TOX: variants seen among roughly 807,000 people sequenced by gnomAD.
The protein encoded by TOX is thymocyte selection associated high mobility group box.
TOX carries 11 observed loss-of-function variants against 53.7 expected under a neutral mutation model. The observed-to-expected ratio is 0.20, with a 90% CI of 0.13 to 0.34. The LOEUF (loss-of-function observed/expected upper bound fraction) is 0.34. Among genes scored for constraint, TOX ranks in the 10% least tolerant of loss-of-function variants. The pLI, the probability that TOX is intolerant of heterozygous loss-of-function variation, is 1.00. For synonymous variants in TOX, 225 were observed against 245.3 expected, an observed-to-expected ratio of 0.92 and a Z score of 0.77; for missense variants, 570 against 664.6, an observed-to-expected ratio of 0.86 and a Z score of 1.56.
chr8:58,928,463 T>C (rs1375850878), intron 3 of TOX, among the ~76,000 whole-genome samples: 2 of 152,198 alleles, frequency 1.3e-5, no homozygotes, highest in Non-Finnish European at 2.9e-5. Context: ...GACAATGGGA[T>C]CAGAGTCCCA....
At chr8:58,985,882 A>G (rs1813319535) in intron 1 of TOX, among the ~76,000 whole-genome samples, 1 of 152,166 alleles carries the variant, frequency 6.6e-6, no homozygotes, top group East Asian at 1.9e-4. Flanking sequence ...GGAAATTTGC[A>G]AGAAACCTCC....
chr8:58,948,476 C>A (rs1179707517), intron 2 of TOX, among the ~76,000 whole-genome samples: 1 of 151,964 alleles, frequency 6.6e-6, no homozygotes, highest in Non-Finnish European at 1.5e-5. Flanking sequence ...TAAATAAGGG[C>A]CTCTCCTTTG....
intron 1 of TOX, among the ~76,000 whole-genome samples, chr8:59,046,521 C>T (rs575150409): frequency 6.6e-6 from 1 of 152,038 alleles, no homozygotes; most frequent in African/African-American, 2.4e-5. Context: ...AAATAGGGAA[C>T]AATTGTGGCA....
chr8:58,999,139 G>A, intron 1 of TOX, among the ~76,000 whole-genome samples: 1 of 152,134 alleles, frequency 6.6e-6, no homozygotes, highest in East Asian at 1.9e-4. Context: ...CTTCTTCTTA[G>A]TAGCCAGACT....
intron 1 of TOX, among the ~76,000 whole-genome samples, chr8:59,011,140 C>T (rs1813896929): frequency 6.6e-6 from 1 of 152,190 alleles, no homozygotes; most frequent in African/African-American, 2.4e-5. Context: ...GACAATTACA[C>T]ATAATTTATC....
At chr8:59,055,060 G>C (rs1585990997) in intron 1 of TOX, among the ~76,000 whole-genome samples, 1 of 152,242 alleles carries the variant, frequency 6.6e-6, no homozygotes, top group African/African-American at 2.4e-5. Flanking sequence ...CTTCATTGTA[G>C]TAGCTTACAG....
At chr8:58,925,178 C>T (rs1812135028) in intron 3 of TOX, among the ~76,000 whole-genome samples, 1 of 152,062 alleles carries the variant, frequency 6.6e-6, no homozygotes, top group Non-Finnish European at 1.5e-5. Context: ...TTATAAACCT[C>T]AGAAAATTTG....
At chr8:58,849,134 A>G (rs1246549385) in intron 4 of TOX, among the ~76,000 whole-genome samples, 2 of 152,292 alleles carry the variant, frequency 1.3e-5, no homozygotes, top group Non-Finnish European at 2.9e-5. Flanking sequence ...TTAAATAAAT[A>G]TAATAATATA....
chr8:58,981,575 T>C (rs1215233690), intron 1 of TOX, among the ~76,000 whole-genome samples: 4 of 152,304 alleles, frequency 2.6e-5, no homozygotes, highest in Middle Eastern at 3.4e-3. Flanking sequence ...ATCTAGGCCC[T>C]AGTTTTACTG....
Position 58,923,637 on chromosome 8 carries a change from G to C in TOX, c.411+15665C>G, listed in dbSNP as rs900003726. On this transcript the variant is annotated intron_variant, in intron 3 of 8. Coordinates refer to ENST00000361421, the MANE Select transcript of TOX (RefSeq NM_014729.3). ...TACATCATTTTATAACTTAAAGGGA[G>C]AGTGATGCTTTAAACTGTTGCATGA... 7.2e-5 allele frequency among the ~76,000 whole-genome samples: 11 copies of C among 152,264 alleles called. No individual in the cohort carries two copies. In the East Asian group the frequency reaches 7.7e-4, roughly 11 times the overall value.
intron 1 of TOX, among the ~76,000 whole-genome samples, chr8:59,004,717 G>A (rs554096362): frequency 6.3e-4 from 96 of 152,142 alleles, no homozygotes; most frequent in African/African-American, 2.3e-3. Context: ...ATCACACAGG[G>A]GCAGCTGTAA....
Position 58,838,119 on chromosome 8 carries a change from C to T in TOX, c.886G>A (p.Ala296Thr). 1 of 1,614,174 alleles carries T rather than the reference C, an allele frequency of 6.2e-7. No individual in the cohort carries two copies. Among genetic ancestry groups the T allele is most frequent in the Non-Finnish European group, 8.5e-7 (1 of 1,180,000 alleles). Residue 296 changes from alanine (A) to threonine (T), a missense_variant, in exon 5 of 9, where the codon GCT becomes ACT. Physicochemically the swap from Ala to Thr is moderately conservative, Grantham distance 58 (BLOSUM62 0). Transcript: ENST00000361421. ...TCTCCTAAACCGTCCCACATTGAAG[C>T]CACAATTTTAGAGACTTCGCCAAAG... ...ATFGEVSKIVASMWDGLGEEQ... is the reference protein window; with the variant it reads ...ATFGEVSKIVTSMWDGLGEEQ...
Position 58,977,900 on chromosome 8 carries a change from A to G in TOX, c.103-17892T>C, listed in dbSNP as rs1054375684. ...CATGACAGATATAATAATAATAAAA[A>G]GTTTGAAATGTGAGAATTACTGAAA... On this transcript the variant is annotated intron_variant, in intron 1 of 8. Transcript: ENST00000361421. Among the ~76,000 whole-genome samples, 10 of 152,238 alleles carry G rather than the reference A, an allele frequency of 6.6e-5. No homozygotes were observed. In the South Asian group the frequency reaches 1.4e-3, roughly 22 times the overall value.
chr8:58,808,955 A>T (rs1585836066), intron 7 of TOX, among the ~76,000 whole-genome samples: 1 of 152,252 alleles, frequency 6.6e-6, no homozygotes, highest in East Asian at 1.9e-4. Flanking sequence ...ACTGGCAAAC[A>T]ATAATCAGAC....
chr8:59,059,597 C>A (rs1439349067), intron 1 of TOX, among the ~76,000 whole-genome samples: 1 of 152,056 alleles, frequency 6.6e-6, no homozygotes, highest in Non-Finnish European at 1.5e-5. Flanking sequence ...TATTATTATT[C>A]AAGAAAGAAT....
intron 1 of TOX, among the ~76,000 whole-genome samples, chr8:59,082,103 C>G (rs1804419557): frequency 6.6e-6 from 1 of 151,706 alleles, no homozygotes; most frequent in African/African-American, 2.4e-5. Flanking sequence ...TTGTTAATGC[C>G]ATTTGGGTAG....
chr8:58,951,791 C>A (rs889966813), intron 2 of TOX, among the ~76,000 whole-genome samples: 20 of 152,166 alleles, frequency 1.3e-4, no homozygotes, highest in Admixed American at 6.5e-5. Context: ...GATGCTGGGC[C>A]TTGGAAGTCA....
At chr8:59,064,819 T>G (rs1455426859) in intron 1 of TOX, among the ~76,000 whole-genome samples, 2 of 152,206 alleles carry the variant, frequency 1.3e-5, no homozygotes, top group African/African-American at 4.8e-5. Context: ...TCAGTTTTAT[T>G]TCAATGTATG....
intron 1 of TOX, among the ~76,000 whole-genome samples, chr8:58,966,843 A>G (rs1812910194): frequency 6.6e-6 from 1 of 151,346 alleles, no homozygotes; most frequent in Non-Finnish European, 1.5e-5. Context: ...GTTTTTAACC[A>G]AATACACCAA....
Sources: gnomAD v4.1 joint callset for allele counts (sites outside exome capture counted in the v4.1 genomes callset) on GRCh38, gnomAD v4.1.1 for gene constraint, MANE v1.5 for transcripts, NCBI Gene and HGNC (gene_info 2026-07-23, HGNC 2026-07-21) for gene names.